Variants in ABI1 observed in about 807,000 individuals in gnomAD.
ABI1 encodes Abelson interactor 1.
In ABI1, 14 loss-of-function variants were observed where a neutral mutation model predicts 54.6. The ratio of observed to expected loss-of-function variants is 0.26; its 90% CI spans 0.17 to 0.40. The LOEUF is 0.40. Ranked by LOEUF, ABI1 falls within the 10% of genes least tolerant of loss-of-function variation. The pLI, the probability that ABI1 is intolerant of heterozygous loss-of-function variation, is 1.00. For missense variants in ABI1, 443 were observed against 598.3 expected, an observed-to-expected ratio of 0.74 and a Z score of 2.71; for synonymous variants, 194 against 209.3, an observed-to-expected ratio of 0.93 and a Z score of 0.63.
intron 1 of ABI1, among the ~76,000 whole-genome samples, chr10:26,838,177 C>G (rs902436223): frequency 6.6e-6 from 1 of 151,928 alleles, no homozygotes; most frequent in Non-Finnish European, 1.5e-5. Flanking sequence ...GTGACCGCCA[C>G]CACACCCAGC....
At chr10:26,750,796 G>A (rs1837525737) in intron 10 of ABI1, among the ~76,000 whole-genome samples, 1 of 152,110 alleles carries the variant, frequency 6.6e-6, no homozygotes, top group South Asian at 2.1e-4. Flanking sequence ...ACTAGAAACA[G>A]GATTTGTTTC....
At chr10:26,810,374 A>C (rs1019000283) in intron 2 of ABI1, among the ~76,000 whole-genome samples, 2 of 152,214 alleles carry the variant, frequency 1.3e-5, no homozygotes, top group Non-Finnish European at 2.9e-5. Context: ...CTCCTTAAGG[A>C]ATTTCAGCAA....
At chr10:26,779,593 C>A (rs1053290919) in intron 2 of ABI1, among the ~76,000 whole-genome samples, 5 of 152,154 alleles carry the variant, frequency 3.3e-5, no homozygotes, top group African/African-American at 1.2e-4. Context: ...CAGAGCCAAA[C>A]AAATCTTTAG....
chr10:26,857,765 C>T, intron 1 of ABI1, among the ~76,000 whole-genome samples: 1 of 150,692 alleles, frequency 6.6e-6, no homozygotes, highest in Non-Finnish European at 1.5e-5. Context: ...GGGAGGACTG[C>T]TTGAGCCCAG....
At chr10:26,798,507 T>C (rs2046345681) in intron 2 of ABI1, among the ~76,000 whole-genome samples, 4 of 152,112 alleles carry the variant, frequency 2.6e-5, no homozygotes, top group Admixed American at 2.6e-4. Flanking sequence ...GATGCTCCCC[T>C]AGTGCTTCTA....
intron 3 of ABI1, among the ~76,000 whole-genome samples, chr10:26,774,543 A>C (rs1841136864): frequency 6.6e-6 from 1 of 152,178 alleles, no homozygotes; most frequent in African/African-American, 2.4e-5. Context: ...TCTCTTATAC[A>C]TATCTTATTA....
intron 10 of ABI1, among the ~76,000 whole-genome samples, chr10:26,751,155 T>A (rs1033908855): frequency 9.2e-5 from 14 of 152,164 alleles, no homozygotes; most frequent in Admixed American, 8.5e-4. Context: ...GCATACTGAA[T>A]GCATATCATT....
chr10:26,822,015 A>G (rs955690959), intron 2 of ABI1, among the ~76,000 whole-genome samples: 5 of 152,160 alleles, frequency 3.3e-5, no homozygotes, highest in African/African-American at 1.2e-4. Flanking sequence ...AATACTGCCC[A>G]TTACAGTCAA....
chr10:26,855,692 C>T (rs545994237), intron 1 of ABI1, among the ~76,000 whole-genome samples: 15 of 152,190 alleles, frequency 9.9e-5, no homozygotes, highest in African/African-American at 3.6e-4. Flanking sequence ...TGTTTAGGGC[C>T]GGGTGCGGTG....
chr10:26,802,753 C>G (rs1023964952), intron 2 of ABI1, among the ~76,000 whole-genome samples: 1 of 152,110 alleles, frequency 6.6e-6, no homozygotes, highest in Non-Finnish European at 1.5e-5. Context: ...CTGGAGGAGG[C>G]AGTACCTGTG....
intron 7 of ABI1, among the ~76,000 whole-genome samples, chr10:26,761,348 A>G (rs1314023388): frequency 2.0e-5 from 3 of 152,070 alleles, no homozygotes; most frequent in African/African-American, 7.2e-5. Flanking sequence ...ACAAAAGCCA[A>G]TCATTTAGCA....
At chr10:26,831,506 G>A (rs1221718173) in intron 1 of ABI1, among the ~76,000 whole-genome samples, 2 of 152,072 alleles carry the variant, frequency 1.3e-5, no homozygotes, top group African/African-American at 4.8e-5. Flanking sequence ...TAGTGCCACT[G>A]CACTCCAGCC....
intron 1 of ABI1, among the ~76,000 whole-genome samples, chr10:26,831,994 A>C (rs901621448): frequency 6.6e-6 from 1 of 152,248 alleles, no homozygotes; most frequent in Non-Finnish European, 1.5e-5. Context: ...AAAATGTTTT[A>C]CAACAAAAAC....
rs1179754603 is a variant in ABI1, at chr10:26,748,411, A to T, written c.*159T>A. The T allele has an allele frequency of 1.2e-5, 7 of 567,264 alleles. No homozygotes were observed. The East Asian group carries it at 2.0e-4, about 16-fold the overall frequency. 35.1% of individuals were successfully genotyped at this position (567,264 alleles called of 1,614,324 possible). ...TATTCAGCAATACATAAACTGCCTC[A>T]AAGATTTATGCTTACAGGTAGACAT... On this transcript the variant is annotated 3_prime_UTR_variant, in exon 11 of 11. Coordinates refer to ENST00000376140, the MANE Select transcript of ABI1 (RefSeq NM_001012750.3).
intron 7 of ABI1, among the ~76,000 whole-genome samples, chr10:26,762,552 G>A (rs1236033165): frequency 1.3e-5 from 2 of 152,144 alleles, no homozygotes; most frequent in Non-Finnish European, 2.9e-5. Context: ...ATGGGTTATA[G>A]CTGTAGATAA....
At chr10:26,780,393 A>G (rs1841955738) in intron 2 of ABI1, among the ~76,000 whole-genome samples, 2 of 152,076 alleles carry the variant, frequency 1.3e-5, no homozygotes, top group African/African-American at 2.4e-5. Flanking sequence ...ATGCCAGGCT[A>G]ATTTTTTAAA....
chr10:26,777,701 G>A (rs1841589703), intron 2 of ABI1, among the ~76,000 whole-genome samples: 1 of 152,100 alleles, frequency 6.6e-6, no homozygotes, highest in African/African-American at 2.4e-5. Flanking sequence ...TTCAACCGGG[G>A]AGGTCGAGGC....
chr10:26,759,402 T>A (rs371646061), intron 7 of ABI1, among the ~76,000 whole-genome samples, 164 bp from the exon 8 acceptor site: 49 of 152,028 alleles, frequency 3.2e-4, no homozygotes, highest in African/African-American at 1.2e-3. Flanking sequence ...TCAGTAACTT[T>A]ATCTCCAAAG....
chr10:26,761,055 A>G (rs1839085535), intron 7 of ABI1, among the ~76,000 whole-genome samples: 1 of 151,784 alleles, frequency 6.6e-6, no homozygotes, highest in South Asian at 2.1e-4. Flanking sequence ...CAATCCTCCT[A>G]CCAGAGCCTC....
Sources: gnomAD v4.1 joint callset for allele counts (sites outside exome capture counted in the v4.1 genomes callset) on GRCh38, gnomAD v4.1.1 for gene constraint, MANE v1.5 for transcripts, NCBI Gene and HGNC (gene_info 2026-07-23, HGNC 2026-07-21) for gene names.